The following ARID4B variants were observed in gnomAD, a reference collection of about 807,000 sequenced individuals.
ARID4B encodes the protein AT-rich interaction domain 4B, also known as AT-rich interactive domain-containing protein 4B.
ARID4B carries 26 observed loss-of-function variants against 147.5 expected under a neutral mutation model. The observed-to-expected ratio is 0.18, with a 90% CI of 0.13 to 0.24. The LOEUF (loss-of-function observed/expected upper bound fraction) is 0.24. Among genes scored for constraint, ARID4B ranks in the 10% least tolerant of loss-of-function variants. The pLI, the probability that ARID4B is intolerant of heterozygous loss-of-function variation, is 1.00. For synonymous variants in ARID4B, 512 were observed against 507.9 expected (o/e 1.01, Z -0.11); for missense variants, 1,179 against 1,511.5 (o/e 0.78, Z 3.65).
intron 2 of ARID4B, among the ~76,000 whole-genome samples, chr1:235,289,509 A>G (rs1026142995): frequency 1.3e-5 from 2 of 152,098 alleles, no homozygotes; most frequent in Non-Finnish European, 2.9e-5. Flanking sequence ...GAGGTGCTTG[A>G]GCCCAGGAGT....
chr1:235,237,708 G>A (rs930893789), intron 8 of ARID4B, among the ~76,000 whole-genome samples: 3 of 152,110 alleles, frequency 2.0e-5, no homozygotes, highest in African/African-American at 7.2e-5. Context: ...ATATATTATG[G>A]ACATAAGTTT....
intron 11 of ARID4B, among the ~76,000 whole-genome samples, chr1:235,226,276 G>A (rs905435121): frequency 6.6e-6 from 1 of 152,086 alleles, no homozygotes; most frequent in Non-Finnish European, 1.5e-5. Context: ...TAACTTTAAG[G>A]AACTTACAAA....
chr1:235,245,737 G>C (rs1669262356), intron 7 of ARID4B, among the ~76,000 whole-genome samples: 1 of 151,966 alleles, frequency 6.6e-6, no homozygotes, highest in Non-Finnish European at 1.5e-5. Context: ...TGATTATCTA[G>C]TACTTATGTA....
intron 2 of ARID4B, among the ~76,000 whole-genome samples, chr1:235,322,861 GACAA>G (rs1318594967): frequency 6.6e-6 from 1 of 151,800 alleles, no homozygotes; most frequent in Non-Finnish European, 1.5e-5. Context: ...TGGATAGGGA[GACAA>G]ACAAAGGTAG....
At chr1:235,315,294 G>A (rs1674355763) in intron 2 of ARID4B, among the ~76,000 whole-genome samples, 1 of 152,184 alleles carries the variant, frequency 6.6e-6, no homozygotes, top group Non-Finnish European at 1.5e-5. Context: ...AGGCATGGTG[G>A]TGTGCATTAT....
rs1667471546 is a variant in ARID4B, at chr1:235,221,639, T to C, written c.1089A>G (p.Lys363=). The C allele has an allele frequency of 3.1e-6, 5 of 1,609,832 alleles. No individual in the cohort carries two copies. Among genetic ancestry groups the C allele is most frequent in the Non-Finnish European group, 4.2e-6 (5 of 1,176,964 alleles). The change falls in exon 14 of 24, where the codon AAA becomes AAG. Residue 363 remains lysine, a synonymous_variant. Coordinates refer to ENST00000264183, the MANE Select transcript of ARID4B (RefSeq NM_016374.6). ...FDNIESGAVW[K]QVYQDLGIPV... The stretch of plus-strand genomic sequence containing the variant: ...GGATTCCAAGATCTTGGTAGACTTG[T>C]TTCCAAACAGCTCCACTTTCAATCT...
At chr1:235,191,861 T>G (rs973855044) in intron 19 of ARID4B, among the ~76,000 whole-genome samples, 1 of 152,148 alleles carries the variant, frequency 6.6e-6, no homozygotes, top group Non-Finnish European at 1.5e-5. Flanking sequence ...TTGGATTGCT[T>G]GAGTCCAGGA....
chr1:235,323,908 T>G (rs1448583036), intron 2 of ARID4B, among the ~76,000 whole-genome samples: 3 of 143,072 alleles, frequency 2.1e-5, no homozygotes, highest in African/African-American at 2.6e-5. Context: ...TTTTATTTAG[T>G]TTTTTTTTTT....
chr1:235,229,280 T>C lies in ARID4B; in HGVS notation c.848A>G (p.Glu283Gly). The change falls in exon 11 of 24, where the codon GAG (glutamate) becomes GGG (glycine). Residue 283 changes from glutamate (E) to glycine (G), a missense_variant. Physicochemically the swap from Glu to Gly is moderately conservative, Grantham distance 98 (BLOSUM62 -2). Around this residue, in one of 10 missense-constraint regions of ARID4B, gnomAD observed 159 missense variants for 190.5 expected, o/e 0.83. Coordinates refer to ENST00000264183, the MANE Select transcript of ARID4B (RefSeq NM_016374.6). ...CTTTTCTTTTTCATCATCTTCCTCC[T>C]CCTCTTCTTCCTCTGCTTCACTGCT... Reference protein sequence around the residue: ...SSSSEAEEEEEEEDDEKEKED... With the variant: ...SSSSEAEEEEGEEDDEKEKED... 6.2e-7 allele frequency: 1 copy of C among 1,613,070 alleles called. No individual in the cohort carries two copies. Among genetic ancestry groups the C allele is most frequent in the Non-Finnish European group, 8.5e-7 (1 of 1,179,288 alleles).
At chr1:235,227,351 T>C (rs1225325914) in intron 11 of ARID4B, among the ~76,000 whole-genome samples, 2 of 152,196 alleles carry the variant, frequency 1.3e-5, no homozygotes, top group Non-Finnish European at 2.9e-5. Flanking sequence ...GAATGATTGC[T>C]GATTTTAGCA....
chr1:235,207,429 G>A (rs1666379150), intron 17 of ARID4B, among the ~76,000 whole-genome samples: 1 of 152,146 alleles, frequency 6.6e-6, no homozygotes, highest in South Asian at 2.1e-4. Context: ...ATTTAATCAA[G>A]GTTCTTGTGG....
intron 2 of ARID4B, among the ~76,000 whole-genome samples, chr1:235,286,136 G>C (rs1050743844): frequency 1.3e-5 from 2 of 151,992 alleles, no homozygotes; most frequent in African/African-American, 2.4e-5. Flanking sequence ...CTGGGCTCAA[G>C]CAATTAGCCT....
chr1:235,290,621 G>A (rs1672275223), intron 2 of ARID4B, among the ~76,000 whole-genome samples: 1 of 152,200 alleles, frequency 6.6e-6, no homozygotes, highest in Non-Finnish European at 1.5e-5. Flanking sequence ...AATAAATTAT[G>A]TTACATCGTA....
At chr1:235,255,388 GA>G (rs34580747) in intron 5 of ARID4B, among the ~76,000 whole-genome samples, 2 of 150,436 alleles carry the variant, frequency 1.3e-5, no homozygotes, top group Non-Finnish European at 3.0e-5. Context: ...TAAGATTGGG[GA>G]AAAAAAGAAA....
intron 17 of ARID4B, among the ~76,000 whole-genome samples, chr1:235,197,173 T>C (rs899310741): frequency 6.6e-6 from 1 of 152,134 alleles, no homozygotes; most frequent in Non-Finnish European, 1.5e-5. Flanking sequence ...TCAAGAATTA[T>C]AACAGCTAGA....
intron 19 of ARID4B, among the ~76,000 whole-genome samples, chr1:235,183,500 G>A (rs565983360): frequency 3.3e-5 from 5 of 151,950 alleles, no homozygotes; most frequent in Admixed American, 1.3e-4. Context: ...GAGCCACCAC[G>A]CCTGGCCCCA....
intron 19 of ARID4B, among the ~76,000 whole-genome samples, chr1:235,186,103 G>A (rs1205117809): frequency 2.0e-5 from 3 of 151,778 alleles, no homozygotes; most frequent in Non-Finnish European, 4.4e-5. Context: ...CTGAGTAGCT[G>A]GGACTACAGG....
intron 17 of ARID4B, among the ~76,000 whole-genome samples, chr1:235,198,268 C>T (rs1292580529): frequency 6.6e-6 from 1 of 152,146 alleles, no homozygotes; most frequent in Non-Finnish European, 1.5e-5. Context: ...AAAACTGACT[C>T]AATTCAACCT....
At chr1:235,244,383 T>C (rs145012278) in intron 7 of ARID4B, among the ~76,000 whole-genome samples, 1 of 152,150 alleles carries the variant, frequency 6.6e-6, no homozygotes, top group African/African-American at 2.4e-5. Flanking sequence ...ATTCTATTCT[T>C]CTGGATGACT....
Sources: gnomAD v4.1 joint callset for allele counts (sites outside exome capture counted in the v4.1 genomes callset) on GRCh38, gnomAD v4.1.1 for gene constraint, gnomAD v4.1.1 regional missense constraint, MANE v1.5 for transcripts, NCBI Gene and HGNC (gene_info 2026-07-23, HGNC 2026-07-21) for gene names.